GALNT13: variants seen among roughly 807,000 people sequenced by gnomAD.
The protein encoded by GALNT13 is polypeptide N-acetylgalactosaminyltransferase 13, also known as UDP-GalNAc:polypeptide N-acetylgalactosaminyltransferase 13.
GALNT13 carries 28 observed loss-of-function variants against 64.2 expected under a neutral mutation model. The ratio of observed to expected loss-of-function variants is 0.44; its 90% CI spans 0.32 to 0.60. GALNT13 has a LOEUF of 0.60. Among genes scored for constraint, GALNT13 ranks in the 20% least tolerant of loss-of-function variants. The pLI, the probability that GALNT13 is intolerant of heterozygous loss-of-function variation, is 0.05. For synonymous variants in GALNT13, 214 were observed against 224.6 expected, an observed-to-expected ratio of 0.95 and a Z score of 0.42; for missense variants, 577 against 669.8, an observed-to-expected ratio of 0.86 and a Z score of 1.53.
chr2:154,170,623 A>T (rs1355233992), intron 4 of GALNT13, among the ~76,000 whole-genome samples: 1 of 152,186 alleles, frequency 6.6e-6, no homozygotes, highest in African/African-American at 2.4e-5. Context: ...AGATGTCACA[A>T]CCTTTCACTG....
the GALNT13 span, among the ~76,000 whole-genome samples, chr2:153,836,006 T>C: frequency 1.3e-5 from 2 of 152,104 alleles, no homozygotes; most frequent in South Asian, 4.1e-4. Flanking sequence ...GAAGCTAATA[T>C]GAATTTATCT....
the GALNT13 span, among the ~76,000 whole-genome samples, chr2:153,304,847 G>A: frequency 6.6e-6 from 1 of 151,976 alleles, no homozygotes; most frequent in Non-Finnish European, 1.5e-5. Context: ...ATTCTTTTTT[G>A]GTGCAATAGA....
intron 9 of GALNT13, among the ~76,000 whole-genome samples, chr2:154,393,503 G>A (rs1698895117): frequency 6.6e-6 from 1 of 152,126 alleles, no homozygotes; most frequent in South Asian, 2.1e-4. Context: ...CTCTTAATAT[G>A]TCTCACTTCT....
chr2:154,132,418 C>T (rs1389614073), intron 3 of GALNT13, among the ~76,000 whole-genome samples: 3 of 152,036 alleles, frequency 2.0e-5, no homozygotes, highest in Non-Finnish European at 4.4e-5. Context: ...ACATGAACAT[C>T]TCCCACATCA....
chr2:154,290,052 G>C (rs920857878), intron 8 of GALNT13, among the ~76,000 whole-genome samples: 2 of 152,162 alleles, frequency 1.3e-5, no homozygotes, highest in Non-Finnish European at 2.9e-5. Flanking sequence ...CATTCTCTTG[G>C]GTAAAGGCTA....
At chr2:154,366,683 G>T (rs1350975127) in intron 9 of GALNT13, among the ~76,000 whole-genome samples, 2 of 152,190 alleles carry the variant, frequency 1.3e-5, no homozygotes, top group African/African-American at 2.4e-5. Context: ...TGTCAAGGAA[G>T]CGGGAATTTG....
chr2:153,553,803 G>A, the GALNT13 span, among the ~76,000 whole-genome samples: 1 of 152,126 alleles, frequency 6.6e-6, no homozygotes, highest in South Asian at 2.1e-4. Flanking sequence ...GTCTTCAGGA[G>A]AGAAATAGAC....
At chr2:153,523,043 A>ATT in the GALNT13 span, among the ~76,000 whole-genome samples, 17,543 of 83,080 alleles carry the variant, frequency 0.21, 2,741 homozygotes, top group East Asian at 0.43. Context: ...TGTGTTTACT[A>ATT]TTTTTTTTTT....
chr2:154,260,138 T>C (rs1406986442), intron 8 of GALNT13, among the ~76,000 whole-genome samples: 2 of 151,934 alleles, frequency 1.3e-5, no homozygotes, highest in Non-Finnish European at 2.9e-5. Context: ...CACCCCCCTC[T>C]GCCTCCCAAA....
chr2:154,046,145 C>T (rs1211305136), intron 3 of GALNT13, among the ~76,000 whole-genome samples: 1 of 150,864 alleles, frequency 6.6e-6, no homozygotes, highest in Middle Eastern at 3.2e-3. Flanking sequence ...CCATCTCTAC[C>T]AAAAATAAAA....
chr2:153,872,801 C>G (rs962916995), intron 1 of GALNT13, among the ~76,000 whole-genome samples: 2 of 152,118 alleles, frequency 1.3e-5, no homozygotes, highest in Non-Finnish European at 2.9e-5. Flanking sequence ...GTGTCTTCCT[C>G]GACGGTTGCC....
chr2:153,448,622 C>T, the GALNT13 span, among the ~76,000 whole-genome samples: 4 of 151,548 alleles, frequency 2.6e-5, no homozygotes, highest in African/African-American at 9.7e-5. Context: ...TTCTTCTGTT[C>T]TTTTTTTTTC....
chr2:154,277,241 A>G (rs965065859), intron 8 of GALNT13, among the ~76,000 whole-genome samples: 1 of 152,194 alleles, frequency 6.6e-6, no homozygotes. Flanking sequence ...TTATTTTTAT[A>G]TACCTATATC....
chr2:153,949,099 A>G (rs1012081708), intron 3 of GALNT13, among the ~76,000 whole-genome samples: 8 of 152,122 alleles, frequency 5.3e-5, no homozygotes, highest in Non-Finnish European at 7.4e-5. Flanking sequence ...TATTGAGCAT[A>G]GTAACATGTT....
Position 154,395,997 on chromosome 2 carries a change from T to A in GALNT13, c.1163T>A (p.Val388Asp). The A allele has an allele frequency of 6.3e-7, 1 of 1,598,368 alleles. No homozygotes were observed. Among genetic ancestry groups the A allele is most frequent in the Non-Finnish European group, 8.5e-7 (1 of 1,174,050 alleles). ...DFFYIISPGV[V>D]KVDYGDVSVR... ...TTTCTCTGAAAAATTCCAGGTGTTG[T>A]CAAAGTGGATTATGGAGATGTGTCA... The change falls in exon 10 of 13, where the codon GTC (valine) becomes GAC (aspartate). Residue 388 changes from valine to aspartate, a missense_variant. Coordinates refer to ENST00000392825, the MANE Select transcript of GALNT13 (RefSeq NM_052917.4).
the GALNT13 span, among the ~76,000 whole-genome samples, chr2:153,465,107 G>C: frequency 2.6e-5 from 4 of 152,198 alleles, no homozygotes; most frequent in East Asian, 5.8e-4. Flanking sequence ...ATTCAGAAAG[G>C]TGATCTTCAT....
At chr2:154,232,379 A>AG in intron 4 of GALNT13, among the ~76,000 whole-genome samples, 1 of 152,028 alleles carries the variant, frequency 6.6e-6, no homozygotes, top group African/African-American at 2.4e-5. Context: ...TTCCCAGTGA[A>AG]GGTTACTTCA....
chr2:153,772,233 G>A, the GALNT13 span, among the ~76,000 whole-genome samples: 2 of 152,154 alleles, frequency 1.3e-5, no homozygotes, highest in Admixed American at 6.5e-5. Flanking sequence ...ACCAAACAAC[G>A]ACTGATGTTC....
intron 4 of GALNT13, among the ~76,000 whole-genome samples, chr2:154,175,243 G>A (rs1685581735): frequency 6.6e-6 from 1 of 152,064 alleles, no homozygotes; most frequent in Non-Finnish European, 1.5e-5. Flanking sequence ...GAACATTTTA[G>A]TTTATCCAGT....
Sources: gnomAD v4.1 joint callset for allele counts (sites outside exome capture counted in the v4.1 genomes callset) on GRCh38, gnomAD v4.1.1 for gene constraint, MANE v1.5 for transcripts, NCBI Gene and HGNC (gene_info 2026-07-23, HGNC 2026-07-21) for gene names.